The following KIF13A variants were observed in gnomAD, a reference collection of about 807,000 sequenced individuals.
KIF13A encodes kinesin-like protein KIF13A.
KIF13A carries 79 observed loss-of-function variants against 212.2 expected under a neutral mutation model. That is an observed-to-expected ratio of 0.37 (90% CI 0.31 to 0.45). The LOEUF is 0.45. Among genes scored for constraint, KIF13A ranks in the 20% least tolerant of loss-of-function variants. The pLI is 1.00. For synonymous variants in KIF13A, 789 were observed against 808.6 expected, an observed-to-expected ratio of 0.98 and a Z score of 0.41; for missense variants, 1,901 against 2,209.0, an observed-to-expected ratio of 0.86 and a Z score of 2.79.
At chr6:17,795,617 T>C (rs928769368) in intron 23 of KIF13A, among the ~76,000 whole-genome samples, 5 of 148,552 alleles carry the variant, frequency 3.4e-5, no homozygotes, top group African/African-American at 1.2e-4. Flanking sequence ...AAAAAGAACA[T>C]TGTGTACAAT....
At position 17,976,800 on chromosome 6, in the gene KIF13A, T is replaced by TGA. The variant is rs1561830586; in HGVS notation, c.146+10253_146+10254insTC. On this transcript the variant is annotated intron_variant, in intron 2 of 38. Coordinates refer to ENST00000259711, the MANE Select transcript of KIF13A (RefSeq NM_022113.6). ...CTGGGCAACAGAGCAAGACTCCATCTCAAAAAAAAAAAAAAAAAAGAGGCT... is the reference window on the plus strand; with the variant it reads ...CTGGGCAACAGAGCAAGACTCCATCTGACAAAAAAAAAAAAAAAAAAGAGGCT... 3.8e-3 allele frequency among the ~76,000 whole-genome samples: 428 copies of TGA among 111,170 alleles called. 4 individuals are homozygous for TGA. Among genetic ancestry groups the TGA allele is most frequent in the African/African-American group, 0.015 (415 of 27,766 alleles). 72.9% of individuals were successfully genotyped at this position (111,170 alleles called of 152,430 possible). A position where few individuals can be genotyped will look rare whatever the true frequency, so the allele number is the denominator to read the frequency against.
In KIF13A at chr6:17,779,657, T is replaced by C. The variant is rs763165837; in HGVS notation, c.3874A>G (p.Ile1292Val). The C allele has an allele frequency of 1.3e-6, 2 of 1,515,874 alleles. No individual in the cohort carries two copies. Among genetic ancestry groups the C allele is most frequent in the Non-Finnish European group, 1.8e-6 (2 of 1,096,752 alleles). The allele number at this position is 1,515,874 out of a possible 1,614,324, so 93.9% of individuals were successfully genotyped here. Residue 1292 changes from isoleucine to valine, a missense_variant, in exon 32 of 39, where the codon ATA becomes GTA. Ile to Val is a conservative substitution (Grantham distance 29). Around this residue, in one of 5 missense-constraint regions of KIF13A, gnomAD observed 687 missense variants for 759.1 expected, o/e 0.90. Transcript: ENST00000259711. ...GAATAAAATATATTTTTCAGGGATA[T>C]TCTCCTCTTCAAACTCTGCGTGAAA... ...QSFTQSLKRR[I>V]SLKNIFYSCG... is the part of the protein sequence containing the mutation.
chr6:17,951,437 TAAA>T lies in KIF13A; in HGVS notation c.146+35614_146+35616del, dbSNP rs112683346. The T allele has an allele frequency of 9.0e-4, 428 of 476,956 alleles. No individual in the cohort carries two copies. Among genetic ancestry groups the T allele is most frequent in the South Asian group, 2.8e-3 (91 of 32,528 alleles). 29.5% of individuals were successfully genotyped at this position (476,956 alleles called of 1,614,324 possible). On this transcript the variant is annotated intron_variant, in intron 2 of 38. Transcript: ENST00000259711. This position sits in a 1 kb window ranked among gnomAD's most constrained non-coding sequence, Gnocchi z 4.9. ...TGAGCCACTGTGACCAGCCTCAATT[TAAA>T]AAAAAAAAAAAAACAGCTTTAAGAT...
chr6:17,956,637 G>A (rs1004807016), intron 2 of KIF13A, among the ~76,000 whole-genome samples: 2 of 152,176 alleles, frequency 1.3e-5, no homozygotes, highest in African/African-American at 4.8e-5. Context: ...ACAGTCCTTT[G>A]CTATAATGTT....
At chr6:17,881,195 C>T (rs1159514813) in intron 3 of KIF13A, among the ~76,000 whole-genome samples, 3 of 152,192 alleles carry the variant, frequency 2.0e-5, no homozygotes, top group African/African-American at 7.2e-5. Flanking sequence ...ATTTAATTCC[C>T]TGCAGCTTGT....
At chr6:17,911,126 T>C (rs1318104784) in intron 2 of KIF13A, among the ~76,000 whole-genome samples, 1 of 152,232 alleles carries the variant, frequency 6.6e-6, no homozygotes, top group Non-Finnish European at 1.5e-5. Flanking sequence ...AAAACTCTTT[T>C]AGAGGTATAA....
chr6:17,817,188 T>C lies in KIF13A; in HGVS notation c.1832A>G (p.Glu611Gly). Residue 611 changes from glutamate to glycine, a missense_variant, in exon 17 of 39, where the codon GAA (glutamate) becomes GGA (glycine). This residue lies in a region of KIF13A where 534 missense variants were observed against 536.9 expected (regional missense o/e 0.99). Coordinates refer to ENST00000259711, the MANE Select transcript of KIF13A (RefSeq NM_022113.6). ...VVQVLEKQYL[E>G]EKRSALEEQR... ...CTCCTCTAGGGCACTTCTCTTTTCT[T>C]CTAGGTATTGTTTCTCCAGGACCTG... The C allele has an allele frequency of 1.9e-6, 3 of 1,614,068 alleles. No individual in the cohort carries two copies. The highest frequency in any genetic ancestry group is 2.5e-6 in the Non-Finnish European group (3 of 1,179,882).
chr6:17,812,435 G>C (rs1763509085), intron 17 of KIF13A: 1 of 152,084 alleles, frequency 6.6e-6, no homozygotes, highest in Non-Finnish European at 1.5e-5. Flanking sequence ...CGCGGTATCT[G>C]GTGTTCTGTT....
At position 17,880,401 on chromosome 6, in the gene KIF13A, C is replaced by A. The variant is rs145109251; in HGVS notation, c.160-6964G>T. On this transcript the variant is annotated intron_variant, in intron 3 of 38. Coordinates refer to ENST00000259711, the MANE Select transcript of KIF13A (RefSeq NM_022113.6). ...CAGCACTTTGGGAGGCCAAGGCGGG[C>A]GGATCACCTGAGGTCAGGAGTTCAA... 1.9e-3 allele frequency among the ~76,000 whole-genome samples: 296 copies of A among 152,094 alleles called. 3 individuals carry two copies. Among genetic ancestry groups the A allele is most frequent in the Non-Finnish European group, 3.5e-3 (241 of 67,986 alleles).
At chr6:17,929,365 A>G (rs1775789570) in intron 2 of KIF13A, among the ~76,000 whole-genome samples, 1 of 151,666 alleles carries the variant, frequency 6.6e-6, no homozygotes, top group Non-Finnish European at 1.5e-5. Flanking sequence ...TCAGTCTCCC[A>G]AACAGCTAGG....
intron 20 of KIF13A, 27 bp downstream of exon 20, chr6:17,804,334 C>A (rs1212656835): frequency 1.4e-6 from 2 of 1,471,904 alleles, no homozygotes; most frequent in Admixed American, 2.6e-5. Flanking sequence ...GAACCACCAT[C>A]GTTCTCCAAG....
Position 17,976,348 on chromosome 6 carries a change from G to A in KIF13A, c.146+10706C>T, listed in dbSNP as rs181123431. 5.6e-3 allele frequency among the ~76,000 whole-genome samples: 855 copies of A among 152,360 alleles called. 13 individuals are homozygous for A. Among genetic ancestry groups the A allele is most frequent in the African/African-American group, 0.019 (791 of 41,592 alleles). On this transcript the variant is annotated intron_variant, in intron 2 of 38. Transcript: ENST00000259711. ...CCCTGCCCCGCTGTAAGGCAGCTAAGGCCCGGCGAGAAATCGAGCGCAGCG... is the reference window on the plus strand; with the variant it reads ...CCCTGCCCCGCTGTAAGGCAGCTAAAGCCCGGCGAGAAATCGAGCGCAGCG...
rs1044687048 is a variant in KIF13A, at chr6:17,834,317, T to C, written c.1156-246A>G. Reference sequence around the variant, plus strand: ...ACAAATCATTAGTCATTTTATCCATTATACTTAAATTTCACATTTAAAGCC... The same window carrying C: ...ACAAATCATTAGTCATTTTATCCATCATACTTAAATTTCACATTTAAAGCC... On this transcript the variant is annotated intron_variant, in intron 11 of 38. Coordinates refer to ENST00000259711, the MANE Select transcript of KIF13A (RefSeq NM_022113.6). The surrounding 1 kb of genome is among the most constrained non-coding windows in gnomAD (Gnocchi z 4.0). Among the ~76,000 whole-genome samples, 5 of 152,230 alleles carry C rather than the reference T, an allele frequency of 3.3e-5. No individual in the cohort carries two copies. The highest frequency in any genetic ancestry group is 5.9e-5 in the Non-Finnish European group (4 of 68,038).
At chr6:17,841,074 T>A (rs74686467) in intron 9 of KIF13A, among the ~76,000 whole-genome samples, 6,442 of 143,588 alleles carry the variant, frequency 0.045, 346 homozygotes, top group African/African-American at 0.13. Context: ...CCAAAACCCC[T>A]TTTCCTTTTT....
chr6:17,760,911 C>T, downstream of KIF13A: 7 of 1,612,602 alleles, frequency 4.3e-6, no homozygotes, highest in South Asian at 1.1e-5. Context: ...TCATGCTTCT[C>T]ATCCCCACCT....
In KIF13A at chr6:17,874,999, G is replaced by GTACACACACACACACACACACACA. The variant is rs1554188631; in HGVS notation, c.160-1563_160-1562insTGTGTGTGTGTGTGTGTGTGTGTA. On this transcript the variant is annotated intron_variant, in intron 3 of 38. Transcript: ENST00000259711. ...CCACCACACACACACACACGCACAC[G>GTACACACACACACACACACACACA]CACGCACACACACACACACACACAC... 2.1e-3 allele frequency among the ~76,000 whole-genome samples: 250 copies of GTACACACACACACACACACACACA among 120,324 alleles called. 2 individuals are homozygous for GTACACACACACACACACACACACA. The highest frequency in any genetic ancestry group is 7.2e-3 in the African/African-American group (236 of 32,746). 78.9% of individuals were successfully genotyped at this position (120,324 alleles called of 152,430 possible).
In KIF13A at chr6:17,824,105, G is replaced by A. The variant is rs536400457; in HGVS notation, c.1786+1663C>T. On this transcript the variant is annotated intron_variant, in intron 16 of 38. Transcript: ENST00000259711. ...GTATTTTTTGGAGATATGGGGTTTT[G>A]CCATGTTGGTCAGGCTAGTCTCAAA... Among the ~76,000 whole-genome samples the A allele has an allele frequency of 8.6e-5, 13 of 151,374 alleles. No individual in the cohort carries two copies. In the South Asian group the frequency reaches 2.3e-3, roughly 27 times the overall value.
intron 25 of KIF13A, 97 bp from the exon 26 acceptor site, chr6:17,790,007 C>T: frequency 1.1e-6 from 1 of 908,988 alleles, no homozygotes; most frequent in South Asian, 1.5e-5. Context: ...TTAAAATGGA[C>T]AGCTTACCTA....
intron 2 of KIF13A, among the ~76,000 whole-genome samples, chr6:17,908,645 T>TA (rs1371848240): frequency 1.3e-5 from 2 of 151,784 alleles, no homozygotes; most frequent in African/African-American, 4.8e-5. Context: ...CTTGTAATTT[T>TA]AAAAAATGCT....
Sources: gnomAD v4.1 joint callset for allele counts (sites outside exome capture counted in the v4.1 genomes callset) on GRCh38, gnomAD v4.1.1 for gene constraint, gnomAD v4.1.1 regional missense constraint, Gnocchi (gnomAD v3.1) non-coding constraint, MANE v1.5 for transcripts, NCBI Gene and HGNC (gene_info 2026-07-23, HGNC 2026-07-21) for gene names.